TMEM50A: variants seen among roughly 807,000 people sequenced by gnomAD.
TMEM50A encodes the protein cervical cancer oncogene 9.
Under a neutral mutation model 23.9 loss-of-function variants are expected in TMEM50A, and 8 were observed. The observed-to-expected ratio is 0.33, with a 90% CI of 0.20 to 0.60. The LOEUF is 0.60. Ranked by LOEUF, TMEM50A falls within the 20% of genes least tolerant of loss-of-function variation. The pLI is 0.81. For synonymous variants in TMEM50A, 55 were observed against 60.4 expected, an observed-to-expected ratio of 0.91 and a Z score of 0.41; for missense variants, 178 against 192.7, an observed-to-expected ratio of 0.92 and a Z score of 0.45.
intron 3 of TMEM50A, among the ~76,000 whole-genome samples, chr1:25,349,947 G>A (rs1222799617): frequency 6.6e-6 from 1 of 152,180 alleles, no homozygotes; most frequent in Admixed American, 6.5e-5. Flanking sequence ...TTGATGTATT[G>A]TGAACGTTTT....
At chr1:25,341,883 G>GA (rs1645172736) in intron 2 of TMEM50A, among the ~76,000 whole-genome samples, 1 of 149,776 alleles carries the variant, frequency 6.7e-6, no homozygotes. Flanking sequence ...TTTTTTGTTT[G>GA]TTTTTTTTGT....
At chr1:25,351,778 G>A in intron 4 of TMEM50A, 85 bp downstream of exon 4, 2 of 1,187,646 alleles carry the variant, frequency 1.7e-6, no homozygotes, top group Admixed American at 4.5e-5. Context: ...TTTTCTATTT[G>A]TTTTAATATA....
In TMEM50A at chr1:25,343,066, T is replaced by G. The variant is rs1645181577; in HGVS notation, c.199T>G (p.Phe67Val). ...CTGTGGTGTTATAGCAACCATAGCC[T>G]TCCTAATGTAAGTGTCATCGTAATT... ...HACGVIATIAFLMINAVSNGQ... is the reference protein window; with the variant it reads ...HACGVIATIAVLMINAVSNGQ... The change falls in exon 3 of 7, where the codon TTC becomes GTC. Residue 67 changes from phenylalanine (F) to valine (V), a missense_variant. Phe to Val is a conservative substitution (Grantham distance 50). Coordinates refer to ENST00000374358, the MANE Select transcript of TMEM50A (RefSeq NM_014313.4). 1.9e-6 allele frequency: 3 copies of G among 1,607,538 alleles called. No homozygotes were observed. The highest frequency in any genetic ancestry group is 3.4e-5 in the Admixed American group (2 of 58,412).
At position 25,342,818 on chromosome 1, in the gene TMEM50A, A is replaced by C. The variant is rs576006862; in HGVS notation, c.94-143A>C. The stretch of plus-strand genomic sequence containing the variant: ...ATTTAAGGGTACCTAATCAGTTATT[A>C]GGCCATGTGCAAATTACATGTGGGA... On this transcript the variant is annotated intron_variant, in intron 2 of 6. Coordinates refer to ENST00000374358, the MANE Select transcript of TMEM50A (RefSeq NM_014313.4). 2.4e-5 allele frequency: 13 copies of C among 547,398 alleles called. 1 individual carries two copies. Among genetic ancestry groups the C allele is most frequent in the Middle Eastern group, 4.6e-4 (1 of 2,182 alleles). 33.9% of individuals were successfully genotyped at this position (547,398 alleles called of 1,614,324 possible).
At position 25,359,450 on chromosome 1, in the gene TMEM50A, A is replaced by G. The variant is rs143904413; in HGVS notation, c.429-1210A>G. ...CAATTTTTTGGCTTCCCTGGGCCAT[A>G]TTGGAAGAATTGTCTTGAGGCACTC... On this transcript the variant is annotated intron_variant, in intron 6 of 6. Transcript: ENST00000374358. Among the ~76,000 whole-genome samples the G allele has an allele frequency of 3.2e-3, 493 of 151,910 alleles. 4 individuals are homozygous for G. The highest frequency in any genetic ancestry group is 0.012 in the African/African-American group (479 of 41,426).
chr1:25,342,593 T>G (rs1199153552), intron 2 of TMEM50A: 1 of 154,452 alleles, frequency 6.5e-6, no homozygotes, highest in East Asian at 1.9e-4. Context: ...TTGGGGAATA[T>G]TTCTCTGGAA....
At chr1:25,351,759 A>C in intron 4 of TMEM50A, 66 bp downstream of exon 4, 2 of 1,327,452 alleles carry the variant, frequency 1.5e-6, no homozygotes, top group Middle Eastern at 3.7e-4. Context: ...TTTCACATGG[A>C]AATACCACTT....
intron 3 of TMEM50A, among the ~76,000 whole-genome samples, chr1:25,349,579 T>G (rs1393661470): frequency 2.0e-5 from 3 of 152,244 alleles, no homozygotes; most frequent in African/African-American, 7.2e-5. Context: ...ATGAATAAAT[T>G]AAGACATCAT....
intron 3 of TMEM50A, among the ~76,000 whole-genome samples, 167 bp from the exon 4 acceptor site, chr1:25,351,459 T>C (rs1453332788): frequency 1.3e-5 from 2 of 151,762 alleles, no homozygotes; most frequent in African/African-American, 4.8e-5. Flanking sequence ...CAGTAAGCCA[T>C]GGTTGTGCCA....
intron 6 of TMEM50A, among the ~76,000 whole-genome samples, chr1:25,358,841 CTTT>C (rs1414643408): frequency 6.6e-6 from 1 of 152,184 alleles, no homozygotes; most frequent in Non-Finnish European, 1.5e-5. Flanking sequence ...TTCAGTTTTT[CTTT>C]GTTACAGCAG....
intron 2 of TMEM50A, among the ~76,000 whole-genome samples, chr1:25,341,399 C>T (rs1645166552): frequency 6.6e-6 from 1 of 152,114 alleles, no homozygotes. Context: ...GCTGGGACTA[C>T]AGGCGCCCGC....
chr1:25,349,679 T>G (rs1224502454), intron 3 of TMEM50A, among the ~76,000 whole-genome samples: 1 of 152,134 alleles, frequency 6.6e-6, no homozygotes, highest in African/African-American at 2.4e-5. Context: ...GGTCTCAAAG[T>G]CCCGGGCTTA....
At chr1:25,348,050 T>C (rs1645237180) in intron 3 of TMEM50A, among the ~76,000 whole-genome samples, 1 of 152,228 alleles carries the variant, frequency 6.6e-6, no homozygotes, top group Non-Finnish European at 1.5e-5. Context: ...GAATTATAGC[T>C]GTATATGAGC....
intron 3 of TMEM50A, among the ~76,000 whole-genome samples, chr1:25,349,992 T>C (rs1047496665): frequency 6.6e-5 from 10 of 152,250 alleles, no homozygotes; most frequent in African/African-American, 1.2e-4. Flanking sequence ...AGGATACTTC[T>C]AAAGAAAGCA....
intron 3 of TMEM50A, 99 bp from the exon 4 acceptor site, chr1:25,351,527 A>G (rs1645275476): frequency 2.0e-6 from 2 of 976,204 alleles, no homozygotes; most frequent in Admixed American, 6.0e-5. Context: ...AAAAAAAAAG[A>G]CTTTCAGGCC....
intron 5 of TMEM50A, among the ~76,000 whole-genome samples, chr1:25,355,064 G>A (rs1645319845): frequency 6.6e-6 from 1 of 152,084 alleles, no homozygotes; most frequent in Non-Finnish European, 1.5e-5. Context: ...GAGCCACCAC[G>A]CCCAGCCATC....
chr1:25,341,373 T>C (rs3093577), intron 2 of TMEM50A, among the ~76,000 whole-genome samples: 1,882 of 152,142 alleles, frequency 0.012, 34 homozygotes, highest in African/African-American at 0.042. Context: ...ATTCTCCTGC[T>C]TCAGCCTCCC....
intron 2 of TMEM50A, 90 bp downstream of exon 2, chr1:25,340,669 A>C: frequency 1.1e-6 from 1 of 918,616 alleles, no homozygotes; most frequent in Non-Finnish European, 1.6e-6. Flanking sequence ...AATATGTACT[A>C]TTTATTTTAT....
chr1:25,345,937 C>T (rs1355046796), intron 3 of TMEM50A, among the ~76,000 whole-genome samples: 2 of 151,700 alleles, frequency 1.3e-5, no homozygotes, highest in Admixed American at 6.6e-5. Flanking sequence ...TACAGGCACA[C>T]ACCACCATGC....
Sources: allele counts gnomAD v4.1 joint callset (sites outside exome capture counted in the v4.1 genomes callset), GRCh38; gene constraint gnomAD v4.1.1; transcripts MANE v1.5; gene names NCBI Gene and HGNC (gene_info 2026-07-23, HGNC 2026-07-21).